PLCB1: variants seen among roughly 807,000 people sequenced by gnomAD.
PLCB1 encodes the protein phospholipase C beta 1, also known as 1-phosphatidylinositol 4,5-bisphosphate phosphodiesterase beta-1.
In PLCB1, 46 loss-of-function variants were observed where a neutral mutation model predicts 161.8. The observed-to-expected ratio is 0.28, with a 90% CI of 0.22 to 0.36. PLCB1 has a LOEUF of 0.36. Among genes scored for constraint, PLCB1 ranks in the 10% least tolerant of loss-of-function variants. PLCB1 has a pLI of 1.00. For synonymous variants in PLCB1, 517 were observed against 503.7 expected (o/e 1.03, Z -0.35); for missense variants, 1,016 against 1,472.5 (o/e 0.69, Z 5.07).
At chr20:8,420,128 T>C (rs1255346359) in intron 3 of PLCB1, among the ~76,000 whole-genome samples, 1 of 152,188 alleles carries the variant, frequency 6.6e-6, no homozygotes, top group African/African-American at 2.4e-5. Flanking sequence ...TTAATTTCCT[T>C]ACCTGTAAAA....
chr20:8,621,529 G>A (rs1427547668), intron 3 of PLCB1, among the ~76,000 whole-genome samples: 1 of 152,112 alleles, frequency 6.6e-6, no homozygotes, highest in Non-Finnish European at 1.5e-5. Flanking sequence ...ATTTAGCTTC[G>A]ACTCTTTGCT....
intron 4 of PLCB1, among the ~76,000 whole-genome samples, chr20:8,629,004 A>C (rs768102732): frequency 6.6e-6 from 1 of 152,164 alleles, no homozygotes; most frequent in Non-Finnish European, 1.5e-5. Context: ...AAATACAAAT[A>C]AAACCACATT....
chr20:8,223,400 A>G (rs1027717767), intron 2 of PLCB1, among the ~76,000 whole-genome samples: 1 of 152,154 alleles, frequency 6.6e-6, no homozygotes. Flanking sequence ...AAATTGAACA[A>G]TCAAGCCTGA....
intron 3 of PLCB1, among the ~76,000 whole-genome samples, chr20:8,512,365 AT>A (rs1349529743): frequency 6.6e-6 from 1 of 152,132 alleles, no homozygotes; most frequent in African/African-American, 2.4e-5. Context: ...TATTTCACAT[AT>A]TTTTAAAACT....
intron 9 of PLCB1, among the ~76,000 whole-genome samples, chr20:8,679,088 A>T (rs1226868983): frequency 6.6e-6 from 1 of 152,176 alleles, no homozygotes. Context: ...AACCCTTGAC[A>T]CATAGAGATG....
At chr20:8,498,736 T>G (rs1344655112) in intron 3 of PLCB1, among the ~76,000 whole-genome samples, 3 of 152,240 alleles carry the variant, frequency 2.0e-5, no homozygotes, top group Non-Finnish European at 4.4e-5. Flanking sequence ...GGCTCATGTT[T>G]CGGCTATTTG....
chr20:8,295,736 CAG>C (rs1466183119), intron 2 of PLCB1, among the ~76,000 whole-genome samples: 5 of 151,996 alleles, frequency 3.3e-5, no homozygotes, highest in Admixed American at 1.3e-4. Context: ...ATTTTTGAGA[CAG>C]AGTCTCTGTC....
intron 3 of PLCB1, among the ~76,000 whole-genome samples, chr20:8,582,118 G>C (rs1217058019): frequency 6.6e-6 from 1 of 152,132 alleles, no homozygotes; most frequent in Admixed American, 6.5e-5. Flanking sequence ...GGACACCTCT[G>C]CCATAAGCTG....
chr20:8,428,803 TAG>T (rs1979906622), intron 3 of PLCB1, among the ~76,000 whole-genome samples: 1 of 152,180 alleles, frequency 6.6e-6, no homozygotes, highest in Non-Finnish European at 1.5e-5. Flanking sequence ...ATGGAGAACG[TAG>T]TGTCAGAGGT....
At chr20:8,138,314 G>A (rs908019051) in intron 1 of PLCB1, among the ~76,000 whole-genome samples, 1 of 152,166 alleles carries the variant, frequency 6.6e-6, no homozygotes, top group Admixed American at 6.5e-5. Flanking sequence ...ACTTTTTTAT[G>A]TGGGATTTGG....
chr20:8,321,659 A>G (rs1984925429), intron 2 of PLCB1, among the ~76,000 whole-genome samples: 1 of 152,156 alleles, frequency 6.6e-6, no homozygotes, highest in Admixed American at 6.6e-5. Flanking sequence ...ACAGATCAAC[A>G]ACAAACTTAG....
At chr20:8,488,037 A>C (rs1419559541) in intron 3 of PLCB1, among the ~76,000 whole-genome samples, 3 of 152,246 alleles carry the variant, frequency 2.0e-5, no homozygotes, top group African/African-American at 7.2e-5. Context: ...ACATGGATTC[A>C]ATGAATTCCT....
At chr20:8,149,586 T>TCCCC (rs2051488571) in intron 1 of PLCB1, among the ~76,000 whole-genome samples, 1 of 152,224 alleles carries the variant, frequency 6.6e-6, no homozygotes, top group Non-Finnish European at 1.5e-5. Context: ...AGTGTTTCAG[T>TCCCC]ATAAAAATCC....
At chr20:8,333,475 A>C (rs1242824509) in intron 2 of PLCB1, among the ~76,000 whole-genome samples, 2 of 152,106 alleles carry the variant, frequency 1.3e-5, no homozygotes, top group Non-Finnish European at 2.9e-5. Flanking sequence ...ATGGCCTCAG[A>C]GCAATGTTTT....
At chr20:8,416,457 A>G (rs973556650) in intron 3 of PLCB1, among the ~76,000 whole-genome samples, 2 of 152,198 alleles carry the variant, frequency 1.3e-5, no homozygotes, top group Admixed American at 6.5e-5. Context: ...GTCCTTGAAA[A>G]TCAAAGAGAT....
At chr20:8,264,518 A>G (rs539686563) in intron 2 of PLCB1, among the ~76,000 whole-genome samples, 1 of 152,310 alleles carries the variant, frequency 6.6e-6, no homozygotes, top group South Asian at 2.1e-4. Flanking sequence ...TATGTACTAG[A>G]GTTTTATACA....
intron 23 of PLCB1, among the ~76,000 whole-genome samples, chr20:8,743,013 C>T (rs1470063471): frequency 6.6e-6 from 1 of 152,156 alleles, no homozygotes; most frequent in Non-Finnish European, 1.5e-5. Flanking sequence ...AATAATTTGA[C>T]TTTTTCCAGT....
chr20:8,752,061 C>G (rs962150866), intron 23 of PLCB1: 2 of 152,000 alleles, frequency 1.3e-5, no homozygotes, highest in Non-Finnish European at 2.9e-5. Context: ...ATTTTTCAGC[C>G]ATTGTTTTGC....
At chr20:8,421,470 C>T (rs578106546) in intron 3 of PLCB1, among the ~76,000 whole-genome samples, 1 of 152,154 alleles carries the variant, frequency 6.6e-6, no homozygotes, top group East Asian at 1.9e-4. Flanking sequence ...TGAAGGAGCA[C>T]CCAAGACCAT....
Sources: gnomAD v4.1 joint callset for allele counts (sites outside exome capture counted in the v4.1 genomes callset) on GRCh38, gnomAD v4.1.1 for gene constraint, MANE v1.5 for transcripts, NCBI Gene and HGNC (gene_info 2026-07-23, HGNC 2026-07-21) for gene names.